Variants in DRAXIN observed in about 807,000 individuals in gnomAD.
DRAXIN encodes the protein dorsal inhibitory axon guidance protein.
In DRAXIN, 27 loss-of-function variants were observed where a neutral mutation model predicts 33.9. The observed-to-expected ratio is 0.80, with a 90% confidence interval of 0.59 to 1.10. The LOEUF (loss-of-function observed/expected upper bound fraction) is 1.10. Ranked by LOEUF, DRAXIN falls within the 50% of genes least tolerant of loss-of-function variation. DRAXIN has a pLI of 0.00. For missense variants in DRAXIN, 371 were observed against 460.8 expected, an observed-to-expected ratio of 0.81 and a Z score of 1.78; for synonymous variants, 178 against 194.0, an observed-to-expected ratio of 0.92 and a Z score of 0.69.
rs1046855843 is a variant in DRAXIN at position 11,722,124 on chromosome 1, T to C, written c.*2428T>C. 1 of 152,058 alleles carries C rather than the reference T, an allele frequency of 6.6e-6. No homozygotes were observed. Among genetic ancestry groups the C allele is most frequent in the African/African-American group, 2.4e-5 (1 of 41,406 alleles). The allele number at this position is 152,058 out of a possible 1,614,324, so 9.4% of individuals were successfully genotyped here. On this transcript the variant is annotated 3_prime_UTR_variant, in exon 7 of 7. Transcript: ENST00000294485. ...GCGACAGAGTGAGACTCCAAAAATA[T>C]AAAACACTTAAAAATGTAAAAAGGC...
chr1:11,713,888 C>T (rs563433240), intron 5 of DRAXIN, among the ~76,000 whole-genome samples: 32 of 152,158 alleles, frequency 2.1e-4, no homozygotes, highest in African/African-American at 7.5e-4. Context: ...CAAAAATTAG[C>T]CGGGCATGGT....
chr1:11,709,505 T>C (rs769638444), intron 3 of DRAXIN, 40 bp downstream of exon 3: 83 of 1,578,836 alleles, frequency 5.3e-5, no homozygotes, highest in Non-Finnish European at 5.8e-5. Context: ...GGAAGGGTCC[T>C]TGAGCCCATG....
At chr1:11,700,713 C>T (rs542755712) in intron 1 of DRAXIN, among the ~76,000 whole-genome samples, 3 of 152,184 alleles carry the variant, frequency 2.0e-5, no homozygotes, top group Non-Finnish European at 4.4e-5. Context: ...CGGTTCTCCC[C>T]GTGGGGGGTT....
intron 1 of DRAXIN, among the ~76,000 whole-genome samples, chr1:11,698,139 C>A (rs149583782): frequency 6.6e-6 from 1 of 152,142 alleles, no homozygotes; most frequent in Non-Finnish European, 1.5e-5. Context: ...TCCCATTTCA[C>A]AGACAAGGGA....
upstream of DRAXIN, among the ~76,000 whole-genome samples, chr1:11,687,702 T>C (rs1174666979): frequency 1.3e-5 from 2 of 152,234 alleles, no homozygotes; most frequent in East Asian, 3.8e-4. This position sits in a 1 kb window ranked among gnomAD's most constrained non-coding sequence, Gnocchi z 4.1. Flanking sequence ...GAACATTCCA[T>C]ATAAAAGTAA....
At position 11,719,588 on chromosome 1, in the gene DRAXIN, G is replaced by T; in HGVS notation, c.942G>T (p.Leu314=). Residue 314 remains leucine (L), a synonymous_variant, in exon 7 of 7, where the codon CTG becomes CTT. Coordinates refer to ENST00000294485, the MANE Select transcript of DRAXIN (RefSeq NM_198545.4). ...CFDDCMCVEG[L]RCYAKFHRNR... is the part of the protein sequence containing the mutation. ...CCCTTGCCTCCACTCGCCCAGGGCT[G>T]CGCTGCTATGCCAAATTCCACCGGA... 8 of 1,611,784 alleles carry T rather than the reference G, an allele frequency of 5.0e-6. No homozygotes were observed. Among genetic ancestry groups the T allele is most frequent in the Non-Finnish European group, 6.8e-6 (8 of 1,178,964 alleles).
chr1:11,713,110 A>G (rs1172062688), intron 5 of DRAXIN, among the ~76,000 whole-genome samples: 1 of 151,688 alleles, frequency 6.6e-6, no homozygotes, highest in Admixed American at 6.6e-5. Flanking sequence ...AGGCGGGAAC[A>G]TTGCTTGAAC....
chr1:11,709,300 C>G lies in DRAXIN; in HGVS notation c.477C>G (p.Ser159Arg). ...HQGRALVRGP[S>R]SLMKKAELSE... ...GCCGAGCCTTGGTCCGAGGTCCCAGCTCCCTGATGAAGAAGGCAGAGCTCT... is the reference window on the plus strand; with the variant it reads ...GCCGAGCCTTGGTCCGAGGTCCCAGGTCCCTGATGAAGAAGGCAGAGCTCT... The change falls in exon 3 of 7, where the codon AGC becomes AGG. Residue 159 changes from serine (S) to arginine (R), a missense_variant. Ser to Arg is a moderately radical substitution (Grantham distance 110, BLOSUM62 -1). Transcript: ENST00000294485. 1 of 1,613,312 alleles carries G rather than the reference C, an allele frequency of 6.2e-7. No individual in the cohort carries two copies. The highest frequency in any genetic ancestry group is 8.5e-7 in the Non-Finnish European group (1 of 1,179,590).
At chr1:11,709,126 G>C (rs1419531950) in intron 2 of DRAXIN, 149 bp from the exon 3 acceptor site, 2 of 779,214 alleles carry the variant, frequency 2.6e-6, no homozygotes, top group African/African-American at 3.6e-5. Context: ...TCCCAAGAAG[G>C]GTAGGAAGCA....
At chr1:11,717,643 C>CAG (rs1291195855) in intron 6 of DRAXIN, among the ~76,000 whole-genome samples, 1 of 120,578 alleles carries the variant, frequency 8.3e-6, no homozygotes, top group African/African-American at 3.5e-5. Context: ...GCCTGGGCAA[C>CAG]AGAGAGAGAC....
At chr1:11,687,780 G>A (rs1640984007), upstream of DRAXIN, among the ~76,000 whole-genome samples, 1 of 152,188 alleles carries the variant, frequency 6.6e-6, no homozygotes, top group Non-Finnish European at 1.5e-5. The surrounding 1 kb of genome is among the most constrained non-coding windows in gnomAD (Gnocchi z 4.1). Context: ...GATTCATCCA[G>A]GTCGAATCAC....
At chr1:11,719,312 C>G (rs1461257623) in intron 6 of DRAXIN, among the ~76,000 whole-genome samples, 3 of 152,210 alleles carry the variant, frequency 2.0e-5, no homozygotes, top group Non-Finnish European at 4.4e-5. Flanking sequence ...TGGGTTTTGA[C>G]AAATGCATGC....
chr1:11,693,190 C>G (rs1641115856), intron 1 of DRAXIN, among the ~76,000 whole-genome samples: 1 of 151,968 alleles, frequency 6.6e-6, no homozygotes, highest in Non-Finnish European at 1.5e-5. Flanking sequence ...TCAGCTAAAA[C>G]AATCAGGGCC....
At chr1:11,701,187 A>G (rs1483739290) in intron 1 of DRAXIN, among the ~76,000 whole-genome samples, 1 of 152,112 alleles carries the variant, frequency 6.6e-6, no homozygotes, top group Non-Finnish European at 1.5e-5. Flanking sequence ...AAGGAGGAAG[A>G]TGCCTCTCAC....
intron 6 of DRAXIN, among the ~76,000 whole-genome samples, chr1:11,715,762 C>T (rs1165730413): frequency 4.6e-5 from 7 of 151,978 alleles, no homozygotes; most frequent in East Asian, 1.9e-4. Flanking sequence ...CCCATGACCA[C>T]CCCTAGAAAG....
Position 11,718,884 on chromosome 1 carries a change from ATTTGTTTG to A in DRAXIN, c.938-676_938-669del, listed in dbSNP as rs373195409. 1.1e-3 allele frequency among the ~76,000 whole-genome samples: 173 copies of A among 151,786 alleles called. 2 individuals carry two copies. Among genetic ancestry groups the A allele is most frequent in the African/African-American group, 2.7e-3 (110 of 41,298 alleles). On this transcript the variant is annotated intron_variant, in intron 6 of 6. Transcript: ENST00000294485. ...ATAACATCTTGCAATCATGTGGTAG[ATTTGTTTG>A]TTTGTTTGTTTGTTTGTTTGTTTTC...
At chr1:11,686,673 G>A in the DRAXIN span, among the ~76,000 whole-genome samples, 1 of 152,110 alleles carries the variant, frequency 6.6e-6, no homozygotes, top group Admixed American at 6.6e-5. Flanking sequence ...AAAGTGTTGG[G>A]ATTACAGGCT....
chr1:11,704,427 C>G lies in DRAXIN; in HGVS notation c.-10-1822C>G, dbSNP rs1413107412. Among the ~76,000 whole-genome samples, 2 of 152,254 alleles carry G rather than the reference C, an allele frequency of 1.3e-5. No individual in the cohort carries two copies. The highest frequency in any genetic ancestry group is 2.1e-4 in the South Asian group (1 of 4,828). ...AGCAGGATTGAGGTTCCCTCTGCGC[C>G]GAACAATGCTTGAGTGACAGGCCTT... On this transcript the variant is annotated intron_variant, in intron 1 of 6. Coordinates refer to ENST00000294485, the MANE Select transcript of DRAXIN (RefSeq NM_198545.4). The surrounding 1 kb of genome is among the most constrained non-coding windows in gnomAD (Gnocchi z 4.6).
chr1:11,716,908 A>T (rs1041826236), intron 6 of DRAXIN, among the ~76,000 whole-genome samples: 2 of 152,258 alleles, frequency 1.3e-5, no homozygotes, highest in Non-Finnish European at 2.9e-5. Flanking sequence ...GAAAAGAACC[A>T]GCAAGTTCTG....
Sources: allele counts gnomAD v4.1 joint callset (sites outside exome capture counted in the v4.1 genomes callset), GRCh38; gene constraint gnomAD v4.1.1; non-coding constraint Gnocchi (gnomAD v3.1); transcripts MANE v1.5; gene names NCBI Gene and HGNC (gene_info 2026-07-23, HGNC 2026-07-21).